SQOR: variants seen among roughly 807,000 people sequenced by gnomAD.
SQOR encodes the protein sulfide:quinone oxidoreductase, mitochondrial.
Under a neutral mutation model 48.6 loss-of-function variants are expected in SQOR, and 39 were observed. That is an observed-to-expected ratio of 0.80 (90% CI 0.62 to 1.05). SQOR has a LOEUF of 1.05. SQOR is among the 50% of genes least tolerant of loss of function. SQOR has a pLI of 0.00. For missense variants in SQOR, 561 were observed against 559.9 expected, an observed-to-expected ratio of 1.00 and a Z score of -0.02; for synonymous variants, 220 against 206.2, an observed-to-expected ratio of 1.07 and a Z score of -0.57.
At chr15:45,659,387 A>G (rs957284041) in intron 2 of SQOR, among the ~76,000 whole-genome samples, 2 of 152,160 alleles carry the variant, frequency 1.3e-5, no homozygotes, top group East Asian at 1.9e-4. Context: ...TCTCCTCTGT[A>G]TTAGTTTCTT....
chr15:45,684,601 TC>T (rs1208959145), intron 7 of SQOR, among the ~76,000 whole-genome samples: 1 of 151,814 alleles, frequency 6.6e-6, no homozygotes, highest in Non-Finnish European at 1.5e-5. Context: ...GTTCTCTCTC[TC>T]TCTCTCTCTC....
At chr15:45,676,056 G>T in intron 5 of SQOR, 45 bp from the exon 6 acceptor site, 1 of 1,524,612 alleles carries the variant, frequency 6.6e-7, no homozygotes. Context: ...AAAAAAGGCA[G>T]CTGCAGTCAT....
chr15:45,637,259 C>T (rs1895021881), intron 1 of SQOR, among the ~76,000 whole-genome samples: 1 of 152,200 alleles, frequency 6.6e-6, no homozygotes, highest in African/African-American at 2.4e-5. Context: ...GCAACCACCA[C>T]ACCCAGCTTA....
upstream of SQOR, chr15:45,631,809 A>G (rs1894903074): frequency 1.3e-5 from 2 of 152,164 alleles, no homozygotes; most frequent in South Asian, 4.2e-4. Flanking sequence ...AGCTCCTCCT[A>G]TCACTTCTTC....
intron 1 of SQOR, among the ~76,000 whole-genome samples, chr15:45,646,312 C>T (rs79998524): frequency 6.6e-6 from 1 of 152,228 alleles, no homozygotes; most frequent in Non-Finnish European, 1.5e-5. Context: ...CTGCTAATGC[C>T]TGCATTGCTG....
chr15:45,685,912 C>T (rs891014541), intron 7 of SQOR, among the ~76,000 whole-genome samples: 2 of 152,028 alleles, frequency 1.3e-5, no homozygotes, highest in African/African-American at 2.4e-5. Flanking sequence ...GATCACGGCT[C>T]GCTGCAGACT....
At position 45,673,671 on chromosome 15, in the gene SQOR, T is replaced by C; in HGVS notation, c.524T>C (p.Val175Ala). 2.5e-6 allele frequency: 4 copies of C among 1,614,238 alleles called. No individual in the cohort carries two copies. The highest frequency in any genetic ancestry group is 3.4e-6 in the Non-Finnish European group (4 of 1,180,030). The change falls in exon 5 of 10, where the codon GTA becomes GCA. Residue 175 changes from valine (V) to alanine (A), a missense_variant. Transcript: ENST00000260324. The part of the protein sequence containing the change: ...KIGSNYSVKT[V>A]EKTWKALQDF... ...GGGTCGAATTATTCAGTTAAGACTG[T>C]AGAGAAGACATGGAAAGCTCTGCAG...
At chr15:45,683,350 G>C (rs8027705) in intron 7 of SQOR, among the ~76,000 whole-genome samples, 58,057 of 152,142 alleles carry the variant, frequency 0.38, 13,094 homozygotes, top group Middle Eastern at 0.57. Context: ...AAAACACATG[G>C]AAGTCAATGA....
rs1356316736 is a variant in SQOR at position 45,668,586 on chromosome 15, T to C, written c.406-1342T>C. Among the ~76,000 whole-genome samples, 3 of 152,302 alleles carry C rather than the reference T, an allele frequency of 2.0e-5. No homozygotes were observed. The East Asian group carries it at 5.8e-4, about 29-fold the overall frequency. ...CCTGCTGTGGAGGTGGCTTTGGGGC[T>C]GAAGCTCCCGGATGCCAGGGCAGGG... On this transcript the variant is annotated intron_variant, in intron 3 of 9. Coordinates refer to ENST00000260324, the MANE Select transcript of SQOR (RefSeq NM_021199.4).
At chr15:45,690,082 C>CTTTTTTTTTT (rs11449007) in intron 9 of SQOR, among the ~76,000 whole-genome samples, 2 of 137,018 alleles carry the variant, frequency 1.5e-5, no homozygotes, top group African/African-American at 2.7e-5. Context: ...CCTCTTCCTC[C>CTTTTTTTTTT]TTTTTTTTTT....
At chr15:45,655,902 G>C (rs1043184996) in intron 1 of SQOR, among the ~76,000 whole-genome samples, 4 of 151,640 alleles carry the variant, frequency 2.6e-5, no homozygotes, top group Non-Finnish European at 5.9e-5. Flanking sequence ...GGCCAGGATG[G>C]TCTCGATCTC....
At chr15:45,678,035 T>C (rs893581985) in intron 6 of SQOR, among the ~76,000 whole-genome samples, 1 of 152,180 alleles carries the variant, frequency 6.6e-6, no homozygotes, top group African/African-American at 2.4e-5. Context: ...ACTGGAACAT[T>C]GCATAAGCAT....
rs139828112 is a variant in SQOR, at chr15:45,670,280, A to G, written c.459+299A>G. On this transcript the variant is annotated intron_variant, in intron 4 of 9. Transcript: ENST00000260324. Reference sequence around the variant, plus strand: ...ACATTTGTAAGAAACATGTCTTTCTATGTGGGACAGAGTTGGCTGTATTGA... The same window carrying G: ...ACATTTGTAAGAAACATGTCTTTCTGTGTGGGACAGAGTTGGCTGTATTGA... 1.8e-3 allele frequency among the ~76,000 whole-genome samples: 269 copies of G among 152,338 alleles called. 1 individual carries two copies. Among genetic ancestry groups the G allele is most frequent in the African/African-American group, 6.4e-3 (264 of 41,570 alleles).
chr15:45,664,629 A>G (rs919356144), intron 3 of SQOR, among the ~76,000 whole-genome samples: 35 of 152,140 alleles, frequency 2.3e-4, no homozygotes, highest in Non-Finnish European at 4.4e-4. Context: ...CTCATGCTGC[A>G]TAAGTTAGCA....
chr15:45,684,696 T>G (rs1401236212), intron 7 of SQOR, among the ~76,000 whole-genome samples: 1 of 152,150 alleles, frequency 6.6e-6, no homozygotes. Flanking sequence ...TGACACTCAT[T>G]TAATGTAAGC....
intron 3 of SQOR, among the ~76,000 whole-genome samples, chr15:45,662,646 T>A (rs1889742402): frequency 6.6e-6 from 1 of 152,210 alleles, no homozygotes; most frequent in African/African-American, 2.4e-5. Flanking sequence ...GGCTCACAAC[T>A]GCTCAGCACC....
intron 1 of SQOR, among the ~76,000 whole-genome samples, chr15:45,650,455 T>G (rs865908414): frequency 2.0e-5 from 3 of 152,140 alleles, no homozygotes; most frequent in Non-Finnish European, 4.4e-5. Flanking sequence ...ACCTTCACAG[T>G]GAGTGTTACA....
chr15:45,664,989 C>G (rs1428255007), intron 3 of SQOR, among the ~76,000 whole-genome samples: 1 of 152,134 alleles, frequency 6.6e-6, no homozygotes, highest in Admixed American at 6.5e-5. Flanking sequence ...TTGCCAGTCT[C>G]CTGAACACAG....
intron 1 of SQOR, among the ~76,000 whole-genome samples, chr15:45,653,455 T>C (rs7168188): frequency 0.43 from 64,889 of 150,572 alleles, 14,771 homozygotes; most frequent in East Asian, 0.65. Context: ...AAGAGACATA[T>C]GGGGCAAGGT....
Sources: gnomAD v4.1 joint callset for allele counts (sites outside exome capture counted in the v4.1 genomes callset) on GRCh38, gnomAD v4.1.1 for gene constraint, MANE v1.5 for transcripts, NCBI Gene and HGNC (gene_info 2026-07-23, HGNC 2026-07-21) for gene names.